CRAMP1: variants seen among roughly 807,000 people sequenced by gnomAD.
CRAMP1 encodes protein cramped-like.
In CRAMP1, 50 loss-of-function variants were observed where a neutral mutation model predicts 115.4. The observed-to-expected ratio is 0.43, with a 90% CI of 0.35 to 0.55. The LOEUF (loss-of-function observed/expected upper bound fraction) is 0.55. CRAMP1 is among the 20% of genes least tolerant of loss of function. The pLI, the probability that CRAMP1 is intolerant of heterozygous loss-of-function variation, is 0.01. For synonymous variants in CRAMP1, 866 were observed against 745.4 expected, an observed-to-expected ratio of 1.16 and a Z score of -2.64; for missense variants, 1,679 against 1,721.7, an observed-to-expected ratio of 0.98 and a Z score of 0.44.
At position 1,614,433 on chromosome 16, in the gene CRAMP1, G is replaced by T. The variant is rs1848221325; in HGVS notation, c.-1-206G>T. 6.9e-6 allele frequency among the ~76,000 whole-genome samples: 1 copy of T among 145,080 alleles called. No homozygotes were observed. The highest frequency in any genetic ancestry group is 2.5e-5 in the African/African-American group (1 of 40,454). On this transcript the variant is annotated intron_variant, in intron 1 of 20. Transcript: ENST00000397412. The surrounding 1 kb of genome is among the most constrained non-coding windows in gnomAD (Gnocchi z 4.4). ...GGGGCGTCCGGGGAGGCCCGGGAGG[G>T]TCCCGGGCTGGTGGGCAGGGCCGGG...
intron 2 of CRAMP1, among the ~76,000 whole-genome samples, chr16:1,617,011 A>G (rs1346853959): frequency 6.7e-6 from 1 of 149,606 alleles, no homozygotes; most frequent in Non-Finnish European, 1.5e-5. Context: ...TTTTTAGTTG[A>G]GACGGGGTTT....
At chr16:1,632,075 A>G (rs2036551711) in intron 3 of CRAMP1, 137 bp from the exon 4 acceptor site, 1 of 899,370 alleles carries the variant, frequency 1.1e-6, no homozygotes, top group African/African-American at 1.7e-5. Flanking sequence ...ATACACAGAT[A>G]AGAGCTTGGA....
chr16:1,613,752 C>T (rs1430072642), intron 1 of CRAMP1, among the ~76,000 whole-genome samples: 1 of 152,228 alleles, frequency 6.6e-6, no homozygotes, highest in Non-Finnish European at 1.5e-5. Flanking sequence ...TCTACCGCTT[C>T]TTGCACCTGG....
chr16:1,624,456 C>G (rs1011441107), intron 2 of CRAMP1, among the ~76,000 whole-genome samples: 1 of 152,074 alleles, frequency 6.6e-6, no homozygotes, highest in Non-Finnish European at 1.5e-5. Flanking sequence ...CTCTGCCATC[C>G]AGGCTGGAGT....
Position 1,665,059 on chromosome 16 carries a change from A to G in CRAMP1, c.2673A>G (p.Arg891=), listed in dbSNP as rs556934475. 1.1e-4 allele frequency: 173 copies of G among 1,607,736 alleles called. 2 individuals carry two copies. In the South Asian group the frequency reaches 1.7e-3, roughly 16 times the overall value. Residue 891 remains arginine, a splice_region_variant and synonymous_variant, in exon 14 of 21, where the codon AGA becomes AGG. Coordinates refer to ENST00000397412, the MANE Select transcript of CRAMP1 (RefSeq NM_020825.4). The stretch of plus-strand genomic sequence containing the variant: ...ATTGTTGACCATTTTCCCCACAGAG[A>G]ACACTGCTCCCTAGACCATCGGAAA... ...RHLRKPLVVQ[R]TLLPRPSENQ... is the part of the protein sequence containing the mutation.
intron 3 of CRAMP1, among the ~76,000 whole-genome samples, chr16:1,631,225 A>G (rs2036546160): frequency 6.6e-6 from 1 of 152,144 alleles, no homozygotes; most frequent in Non-Finnish European, 1.5e-5. Flanking sequence ...TCTGTTACCT[A>G]CACCCATGTA....
chr16:1,642,892 AAC>A (rs1216310790), intron 6 of CRAMP1, among the ~76,000 whole-genome samples: 5 of 152,208 alleles, frequency 3.3e-5, no homozygotes, highest in Non-Finnish European at 5.9e-5. Context: ...CTTTTGCCAA[AAC>A]ACAGATGTGC....
chr16:1,626,304 A>T, intron 3 of CRAMP1, 138 bp downstream of exon 3: 2 of 656,842 alleles, frequency 3.0e-6, no homozygotes, highest in South Asian at 2.2e-5. Flanking sequence ...GCGGAGGCTG[A>T]TGTGGGCTCT....
rs951018716 is a variant in CRAMP1, at chr16:1,614,832, GCGCCGCAGGCGCCGTCCC to G, written c.203_220del (p.Ala68_Gln73del). The G allele has an allele frequency of 5.5e-6, 7 of 1,269,800 alleles. No homozygotes were observed. Among genetic ancestry groups the G allele is most frequent in the African/African-American group, 4.7e-5 (3 of 64,208 alleles). The allele number at this position is 1,269,800 out of a possible 1,614,324, so 78.7% of individuals were successfully genotyped here. A position where few individuals can be genotyped will look rare whatever the true frequency, so the allele number is the denominator to read the frequency against. On this transcript the variant is annotated inframe_deletion, in exon 2 of 21. Coordinates refer to ENST00000397412, the MANE Select transcript of CRAMP1 (RefSeq NM_020825.4). This position sits in a 1 kb window ranked among gnomAD's most constrained non-coding sequence, Gnocchi z 4.4. ...CGACGGCCCCCCCGCGCCCCCCGGC[GCGCCGCAGGCGCCGTCCC>G]CGCCGCAGGGCAGCCCCCAGGACCA... is the stretch of plus-strand genomic sequence containing the variant.
chr16:1,662,538 C>T lies in CRAMP1; in HGVS notation c.2462C>T (p.Thr821Ile). The T allele has an allele frequency of 3.1e-6, 5 of 1,613,956 alleles. No homozygotes were observed. Among genetic ancestry groups the T allele is most frequent in the Non-Finnish European group, 3.4e-6 (4 of 1,179,858 alleles). Residue 821 changes from threonine (T) to isoleucine (I), a missense_variant, in exon 12 of 21, where the codon ACA becomes ATA. Physicochemically the swap from Thr to Ile is moderately conservative, Grantham distance 89 (BLOSUM62 -1). Coordinates refer to ENST00000397412, the MANE Select transcript of CRAMP1 (RefSeq NM_020825.4). ...CTCTTGGTGCCTGGTCCCTCCAGCA[C>T]AGGAAGCAATGACTCAGATGGAGGC... Reference protein sequence around the residue: ...RPLLVPGPSSTGSNDSDGGLF... With the variant: ...RPLLVPGPSSIGSNDSDGGLF...
At chr16:1,643,377 C>G (rs553433238) in intron 6 of CRAMP1, among the ~76,000 whole-genome samples, 322 of 152,238 alleles carry the variant, frequency 2.1e-3, no homozygotes, top group African/African-American at 7.4e-3. Context: ...CCCGTCTCTG[C>G]TAAAAATACA....
chr16:1,669,129 A>T lies in CRAMP1; in HGVS notation c.3463A>T (p.Ser1155Cys). The change falls in exon 19 of 21, where the codon AGT becomes TGT. Residue 1155 changes from serine (S) to cysteine (C), a missense_variant. Transcript: ENST00000397412. This position sits in a 1 kb window ranked among gnomAD's most constrained non-coding sequence, Gnocchi z 4.6. Reference protein sequence around the residue: ...SPTHDPQWYPSDSTDSSLSSL... With the variant: ...SPTHDPQWYPCDSTDSSLSSL... ...CACCCACGACCCCCAGTGGTACCCC[A>T]GTGACTCCACCGACTCCTCGCTCAG... The T allele has an allele frequency of 6.2e-7, 1 of 1,608,668 alleles. No homozygotes were observed. Among genetic ancestry groups the T allele is most frequent in the Non-Finnish European group, 8.5e-7 (1 of 1,177,596 alleles).
rs1203591464 is a variant in CRAMP1, at chr16:1,612,611, G to T, written c.-48G>T. Among the ~76,000 whole-genome samples the T allele has an allele frequency of 2.0e-5, 3 of 151,850 alleles. No homozygotes were observed. Among genetic ancestry groups the T allele is most frequent in the Non-Finnish European group, 4.4e-5 (3 of 67,912 alleles). On this transcript the variant is annotated 5_prime_UTR_variant, in exon 1 of 21. Transcript: ENST00000397412. ...GGCCCGGCTGGTTCTGCGGGCACCC[G>T]GGGAGGCCCCGGGAAGCCAGGCTGC... is the stretch of plus-strand genomic sequence containing the variant.
In CRAMP1 at chr16:1,671,038, C is replaced by T. The variant is rs1324305774; in HGVS notation, c.3645+229C>T. ...AATGACAGACTTAGTCATAGCTGAG[C>T]TCTGCAGGCCTCTGAACTGGAAACC... On this transcript the variant is annotated intron_variant, in intron 20 of 20. Coordinates refer to ENST00000397412, the MANE Select transcript of CRAMP1 (RefSeq NM_020825.4). The surrounding 1 kb of genome is among the most constrained non-coding windows in gnomAD (Gnocchi z 5.0). Among the ~76,000 whole-genome samples, 1 of 152,194 alleles carries T rather than the reference C, an allele frequency of 6.6e-6. No homozygotes were observed. The highest frequency in any genetic ancestry group is 1.5e-5 in the Non-Finnish European group (1 of 68,036).
chr16:1,646,081 TC>T (rs2036672067), intron 6 of CRAMP1, among the ~76,000 whole-genome samples: 1 of 152,204 alleles, frequency 6.6e-6, no homozygotes. Flanking sequence ...TCGAGGCTCT[TC>T]CGTGTTGACT....
intron 4 of CRAMP1, among the ~76,000 whole-genome samples, chr16:1,633,929 A>G (rs562047958): frequency 6.6e-6 from 1 of 152,162 alleles, no homozygotes; most frequent in African/African-American, 2.4e-5. Flanking sequence ...TTAGCTGGGC[A>G]TGGTGGTGCA....
At chr16:1,632,186 C>A (rs769371740) in intron 3 of CRAMP1, 26 bp from the exon 4 acceptor site, 227 of 1,549,898 alleles carry the variant, frequency 1.5e-4, no homozygotes, top group Non-Finnish European at 1.9e-4. Context: ...AACCCCTCTA[C>A]ATTTATCATG....
chr16:1,612,550 C>T lies in CRAMP1; in HGVS notation c.-109C>T, dbSNP rs2036359710. 1 of 152,104 alleles carries T rather than the reference C, an allele frequency of 6.6e-6. No individual in the cohort carries two copies. Among genetic ancestry groups the T allele is most frequent in the Non-Finnish European group, 1.5e-5 (1 of 68,036 alleles). The allele number at this position is 152,104 out of a possible 1,614,324, so 9.4% of individuals were successfully genotyped here. ...CGGACGACCAGCCCGGCGTTGCGGCCTCCCTGCAGCCGGCGCTCGGGGGCC... is the reference window on the plus strand; with the variant it reads ...CGGACGACCAGCCCGGCGTTGCGGCTTCCCTGCAGCCGGCGCTCGGGGGCC... On this transcript the variant is annotated 5_prime_UTR_variant, in exon 1 of 21. Coordinates refer to ENST00000397412, the MANE Select transcript of CRAMP1 (RefSeq NM_020825.4).
At chr16:1,657,362 G>A (rs979566100) in intron 10 of CRAMP1, among the ~76,000 whole-genome samples, 3 of 152,214 alleles carry the variant, frequency 2.0e-5, no homozygotes, top group East Asian at 1.9e-4. Flanking sequence ...CTTGTGAGCC[G>A]CCTCGTGTTC....
Sources: gnomAD v4.1 joint callset for allele counts (sites outside exome capture counted in the v4.1 genomes callset) on GRCh38, gnomAD v4.1.1 for gene constraint, Gnocchi (gnomAD v3.1) non-coding constraint, MANE v1.5 for transcripts, NCBI Gene and HGNC (gene_info 2026-07-23, HGNC 2026-07-21) for gene names.